The following CAP1 variants were observed in gnomAD, a reference collection of about 807,000 sequenced individuals.
The protein encoded by CAP1 is adenylyl cyclase-associated protein 1.
In CAP1, 11 loss-of-function variants were observed where a neutral mutation model predicts 58.2. The ratio of observed to expected loss-of-function variants is 0.19; its 90% confidence interval spans 0.12 to 0.31. The LOEUF (loss-of-function observed/expected upper bound fraction) is 0.31. Among genes scored for constraint, CAP1 ranks in the 10% least tolerant of loss-of-function variants. The probability of loss-of-function intolerance (pLI) is 1.00; values close to 1 mark genes in which losing one functional copy is unlikely to be tolerated. For synonymous variants in CAP1, 183 were observed against 213.8 expected (o/e 0.86, Z 1.26); for missense variants, 423 against 587.5 (o/e 0.72, Z 2.89).
rs376669666 is a variant in CAP1, at chr1:40,070,880, C to G, written c.1245C>G (p.Gly415=). 1.9e-6 allele frequency: 3 copies of G among 1,613,102 alleles called. No homozygotes were observed. The African/African-American group carries it at 4.0e-5, about 22-fold the overall frequency. Residue 415 remains glycine, a synonymous_variant, in exon 12 of 13, where the codon GGC becomes GGG. Coordinates refer to ENST00000372805, the MANE Select transcript of CAP1 (RefSeq NM_006367.4). ...CCATATCCATCAACAAAACAGATGG[C>G]TGCCATGCTTACCTGAGCAAGAATT... ...VPTISINKTD[G]CHAYLSKNSL...
At chr1:40,045,958 G>C in intron 1 of CAP1, among the ~76,000 whole-genome samples, 1 of 152,154 alleles carries the variant, frequency 6.6e-6, no homozygotes, top group East Asian at 1.9e-4. Flanking sequence ...GAGTCACTGG[G>C]ATTACAGGCA....
At chr1:40,043,582 A>G (rs1645943841) in intron 1 of CAP1, among the ~76,000 whole-genome samples, 1 of 152,154 alleles carries the variant, frequency 6.6e-6, no homozygotes, top group African/African-American at 2.4e-5. Context: ...GGTCCAGCAT[A>G]AAGAAATTTC....
chr1:40,070,393 A>C (rs1397865557), intron 10 of CAP1, 37 bp from the exon 11 acceptor site: 1 of 1,457,032 alleles, frequency 6.9e-7, no homozygotes, highest in Non-Finnish European at 9.0e-7. Flanking sequence ...ACTTTCCTTT[A>C]AAGTTACACG....
At chr1:40,066,703 A>G (rs968437841) in intron 7 of CAP1, among the ~76,000 whole-genome samples, 1 of 152,198 alleles carries the variant, frequency 6.6e-6, no homozygotes, top group Non-Finnish European at 1.5e-5. Context: ...GGAAGAGAAG[A>G]GTGCTTCTCA....
chr1:40,055,517 C>CT (rs573290618), intron 1 of CAP1, among the ~76,000 whole-genome samples: 4 of 150,844 alleles, frequency 2.7e-5, no homozygotes, highest in East Asian at 1.9e-4. Flanking sequence ...TCTTGATATC[C>CT]TTTTTTTTTG....
chr1:40,070,325 C>A, intron 10 of CAP1, 43 bp downstream of exon 10: 1 of 1,613,202 alleles, frequency 6.2e-7, no homozygotes, highest in Non-Finnish European at 8.5e-7. Context: ...GTCCCAGAGC[C>A]CGAGAAGGCT....
At position 40,045,491 on chromosome 1, in the gene CAP1, T is replaced by C. The variant is rs1255323847; in HGVS notation, c.-11+4690T>C. 3.3e-5 allele frequency among the ~76,000 whole-genome samples: 5 copies of C among 152,320 alleles called. No individual in the cohort carries two copies. The East Asian group carries it at 9.6e-4, about 29-fold the overall frequency. On this transcript the variant is annotated intron_variant, in intron 1 of 12. Transcript: ENST00000372805. ...ATGGCTGATTGCAACCTCCAACTTT[T>C]GGGCTCAAGTAATCTTCTCGCTTCA...
rs1646993094 is a variant in CAP1, at chr1:40,064,524, T to C, written c.489T>C (p.Phe163=). ...YVKEMNDAAM[F]YTNRVLKEYK... ...AAGAAATGAATGATGCCGCCATGTT[T>C]TATACAAACCGAGTCCTCAAAGAGT... Residue 163 remains phenylalanine, a synonymous_variant, in exon 6 of 13, where the codon TTT becomes TTC. Coordinates refer to ENST00000372805, the MANE Select transcript of CAP1 (RefSeq NM_006367.4). The C allele has an allele frequency of 6.2e-7, 1 of 1,613,840 alleles. No homozygotes were observed. The highest frequency in any genetic ancestry group is 8.5e-7 in the Non-Finnish European group (1 of 1,179,962).
intron 1 of CAP1, among the ~76,000 whole-genome samples, chr1:40,053,626 T>C (rs1224767146): frequency 6.6e-6 from 1 of 152,162 alleles, no homozygotes; most frequent in Non-Finnish European, 1.5e-5. Context: ...TTTGTATTTT[T>C]AGTAAAGACG....
rs373201437 is a variant in CAP1, at chr1:40,070,535, T to A, written c.1200+23T>A. 32 of 1,563,972 alleles carry A rather than the reference T, an allele frequency of 2.0e-5. No individual in the cohort carries two copies. The African/African-American group carries it at 3.7e-4, about 18-fold the overall frequency. ...CAGGTAACTCGATATTTTGGCTCCT[T>A]CTTTTTGTCCCTGAGGAATTAATTC... is the stretch of plus-strand genomic sequence containing the variant. On this transcript the variant is annotated intron_variant, in intron 11 of 12. Transcript: ENST00000372805.
intron 6 of CAP1, among the ~76,000 whole-genome samples, chr1:40,064,949 A>C (rs1647011379): frequency 6.6e-6 from 1 of 152,216 alleles, no homozygotes; most frequent in Non-Finnish European, 1.5e-5. Context: ...GGCTGCCCTT[A>C]GCCACTGTGC....
At position 40,070,143 on chromosome 1, in the gene CAP1, G is replaced by T. The variant is rs747291241; in HGVS notation, c.994-16G>T. 6.2e-7 allele frequency: 1 copy of T among 1,613,724 alleles called. No homozygotes were observed. Among genetic ancestry groups the T allele is most frequent in the East Asian group, 2.2e-5 (1 of 44,876 alleles). On this transcript the variant is annotated splice_polypyrimidine_tract_variant and intron_variant, in intron 9 of 12. Transcript: ENST00000372805. ...GTGTGCTTTGTGATGAGAATCCTGG[G>T]ATCTCTCTCTAACAGGAAAATCAGG...
intron 1 of CAP1, among the ~76,000 whole-genome samples, chr1:40,043,443 G>C (rs572366929): frequency 1.3e-5 from 2 of 152,200 alleles, no homozygotes; most frequent in East Asian, 3.9e-4. Context: ...TGATCCGCCT[G>C]CCTCGCCCTC....
rs752433948 is a variant in CAP1 at position 40,070,269 on chromosome 1, C to T, written c.1104C>T (p.Asn368=). 14 of 1,614,184 alleles carry T rather than the reference C, an allele frequency of 8.7e-6. No homozygotes were observed. In the South Asian group the frequency reaches 1.4e-4, roughly 16 times the overall value. The change falls in exon 10 of 13, where the codon AAC becomes AAT. Residue 368 remains asparagine (N), a synonymous_variant. Coordinates refer to ENST00000372805, the MANE Select transcript of CAP1 (RefSeq NM_006367.4). ...CATTGCAAATCAAGGGCAAAATTAACTCCATTACAGTAGGTGAGTCTTTGT... is the reference window on the plus strand; with the variant it reads ...CATTGCAAATCAAGGGCAAAATTAATTCCATTACAGTAGGTGAGTCTTTGT... ...NTTLQIKGKI[N]SITVDNCKKL...
chr1:40,040,964 A>T (rs1043378032), intron 1 of CAP1, 163 bp downstream of exon 1: 1 of 152,656 alleles, frequency 6.6e-6, no homozygotes, highest in African/African-American at 2.4e-5. Context: ...CGGTCTCTTG[A>T]GGTGGGGCCG....
intron 1 of CAP1, among the ~76,000 whole-genome samples, chr1:40,042,984 G>A (rs954873056): frequency 6.6e-6 from 1 of 152,028 alleles, no homozygotes; most frequent in Non-Finnish European, 1.5e-5. Flanking sequence ...AGTGACATGG[G>A]AAAAAATGCA....
chr1:40,066,277 A>C lies in CAP1; in HGVS notation c.587A>C (p.Tyr196Ser). Residue 196 changes from tyrosine to serine, a missense_variant, in exon 7 of 13, where the codon TAC (tyrosine) becomes TCC (serine). By Grantham distance (144) the Tyr-to-Ser change is moderately radical. Coordinates refer to ENST00000372805, the MANE Select transcript of CAP1 (RefSeq NM_006367.4). ...AGTATATGGACAGAGCTGCAGGCTT[A>C]CATTAAGGAGTTCCATACCACCGGA... ...YLSIWTELQA[Y>S]IKEFHTTGLA... is the part of the protein sequence containing the mutation. 6.2e-7 allele frequency: 1 copy of C among 1,612,128 alleles called. No individual in the cohort carries two copies. Among genetic ancestry groups the C allele is most frequent in the Non-Finnish European group, 8.5e-7 (1 of 1,178,422 alleles).
At position 40,069,701 on chromosome 1, in the gene CAP1, G is replaced by A. The variant is rs1469718026; in HGVS notation, c.820G>A (p.Val274Ile). 4 of 1,613,444 alleles carry A rather than the reference G, an allele frequency of 2.5e-6. No homozygotes were observed. Among genetic ancestry groups the A allele is most frequent in the African/African-American group, 2.7e-5 (2 of 74,888 alleles). ...GESITHALKH[V>I]SDDMKTHKNP... is the part of the protein sequence containing the mutation. ...TGTTGTTCTTACAGCCCTGAAACAT[G>A]TATCTGATGACATGAAGACTCACAA... is the stretch of plus-strand genomic sequence containing the variant. The change falls in exon 9 of 13, where the codon GTA (valine) becomes ATA (isoleucine). Residue 274 changes from valine (V) to isoleucine (I), a missense_variant. Physicochemically the swap from Val to Ile is conservative, Grantham distance 29. Transcript: ENST00000372805.
rs1352780805 is a variant in CAP1, at chr1:40,069,898, G to A, written c.993+24G>A. 5 of 1,521,772 alleles carry A rather than the reference G, an allele frequency of 3.3e-6. No homozygotes were observed. In the East Asian group the frequency reaches 1.1e-4, roughly 35 times the overall value. 94.3% of individuals were successfully genotyped at this position (1,521,772 alleles called of 1,614,324 possible). On this transcript the variant is annotated intron_variant, in intron 9 of 12. Coordinates refer to ENST00000372805, the MANE Select transcript of CAP1 (RefSeq NM_006367.4). ...TGGTGAGTTAAAAATACCTAGACAG[G>A]GGCAGGTATTTTTATTATTTTATTT...
Sources: allele counts gnomAD v4.1 joint callset (sites outside exome capture counted in the v4.1 genomes callset), GRCh38; gene constraint gnomAD v4.1.1; transcripts MANE v1.5; gene names NCBI Gene and HGNC (gene_info 2026-07-23, HGNC 2026-07-21).